The following CEP95 variants were observed in gnomAD, a reference collection of about 807,000 sequenced individuals.
CEP95 encodes the protein centrosomal protein 95, also known as centrosomal protein of 95 kDa.
Under a neutral mutation model 111.2 loss-of-function variants are expected in CEP95, and 98 were observed. The observed-to-expected ratio is 0.88, with a 90% CI of 0.75 to 1.04. CEP95 has a LOEUF of 1.04. CEP95 is among the 50% of genes least tolerant of loss of function. The probability of loss-of-function intolerance (pLI) is 0.00; values close to 1 mark genes in which losing one functional copy is unlikely to be tolerated. For synonymous variants in CEP95, 323 were observed against 327.1 expected, an observed-to-expected ratio of 0.99 and a Z score of 0.14; for missense variants, 1,027 against 977.2, an observed-to-expected ratio of 1.05 and a Z score of -0.68.
In CEP95 at chr17:64,508,668, T is replaced by G. The variant is rs2038717209; in HGVS notation, c.96T>G (p.Asp32Glu). 1 of 1,462,652 alleles carries G rather than the reference T, an allele frequency of 6.8e-7. No individual in the cohort carries two copies. The highest frequency in any genetic ancestry group is 9.1e-7 in the Non-Finnish European group (1 of 1,098,458). The allele number at this position is 1,462,652 out of a possible 1,614,324, so 90.6% of individuals were successfully genotyped here. Residue 32 changes from aspartate (D) to glutamate (E), a missense_variant, in exon 2 of 20, where the codon GAT becomes GAG. Physicochemically the swap from Asp to Glu is conservative, Grantham distance 45 (BLOSUM62 2). Coordinates refer to ENST00000556440, the MANE Select transcript of CEP95 (RefSeq NM_138363.3). ...HLRIHELQDC[D>E]ANVFIALYQS... is the part of the protein sequence containing the mutation. ...GAATACATGAACTTCAAGACTGTGA[T>G]GCTAATGTTTTTATTGCTCTTTATC...
intron 11 of CEP95, among the ~76,000 whole-genome samples, chr17:64,527,864 G>GTATATATA (rs1241845474): frequency 1.5e-5 from 2 of 131,736 alleles, no homozygotes; most frequent in African/African-American, 6.0e-5. Flanking sequence ...GTGTGTGTGT[G>GTATATATA]TGTGTGTATA....
Position 64,519,351 on chromosome 17 carries a change from C to A in CEP95, c.504C>A (p.Pro168=), listed in dbSNP as rs1555677145. The A allele has an allele frequency of 2.5e-6, 4 of 1,613,608 alleles. No homozygotes were observed. Among genetic ancestry groups the A allele is most frequent in the Non-Finnish European group, 3.4e-6 (4 of 1,179,698 alleles). The change falls in exon 6 of 20, where the codon CCC becomes CCA. Residue 168 remains proline, a synonymous_variant. Transcript: ENST00000556440. ...CCTTGTCTTCTGAGATGTTGGGCCC[C>A]TCTTGGGATGGAGATGAAGCAGAAT... is the stretch of plus-strand genomic sequence containing the variant. ...RCSLSSEMLG[P]SWDGDEAEST...
intron 8 of CEP95, among the ~76,000 whole-genome samples, chr17:64,525,402 A>C (rs1598221992): frequency 6.6e-6 from 1 of 152,156 alleles, no homozygotes; most frequent in Admixed American, 6.5e-5. Context: ...AACTGTTTCA[A>C]TTTTGGACAG....
chr17:64,531,836 A>G, intron 13 of CEP95, 54 bp from the exon 14 acceptor site: 2 of 1,303,050 alleles, frequency 1.5e-6, no homozygotes, highest in Non-Finnish European at 1.0e-6. Context: ...AAGATGATGT[A>G]TGAAAGAACT....
At chr17:64,527,870 G>GTGTATATATA (rs1319661913) in intron 11 of CEP95, among the ~76,000 whole-genome samples, 1 of 112,640 alleles carries the variant, frequency 8.9e-6, no homozygotes, top group African/African-American at 3.1e-5. Context: ...GTGTGTGTGT[G>GTGTATATATA]TATATATATA....
At chr17:64,517,901 G>A (rs1351726363) in intron 5 of CEP95, among the ~76,000 whole-genome samples, 2 of 151,842 alleles carry the variant, frequency 1.3e-5, no homozygotes, top group African/African-American at 2.4e-5. Flanking sequence ...TTGAGACACA[G>A]TCTTGCTGTG....
At chr17:64,514,710 A>T (rs1159671047) in intron 4 of CEP95, 5 of 336,288 alleles carry the variant, frequency 1.5e-5, no homozygotes, top group African/African-American at 1.1e-4. Flanking sequence ...TTTGGATGTT[A>T]CTGAGGCATC....
Position 64,521,393 on chromosome 17 carries a change from C to A in CEP95, c.590-9C>A. On this transcript the variant is annotated splice_polypyrimidine_tract_variant and intron_variant, in intron 6 of 19. Coordinates refer to ENST00000556440, the MANE Select transcript of CEP95 (RefSeq NM_138363.3). ...TTAAAAATTTTACCTTTAATATTTT[C>A]TTTCCTAGGTGCTCAATGTCCTAAT... 1 of 1,597,740 alleles carries A rather than the reference C, an allele frequency of 6.3e-7. No individual in the cohort carries two copies. Among genetic ancestry groups the A allele is most frequent in the South Asian group, 1.1e-5 (1 of 88,202 alleles).
At position 64,508,457 on chromosome 17, in the gene CEP95, A is replaced by G; in HGVS notation, c.20-135A>G. On this transcript the variant is annotated intron_variant, in intron 1 of 19. Transcript: ENST00000556440. ...CCTAAAGGGTCTTTGAAATTCTCTAACAATCAAATTCCTTATCTTCTGCAA... is the reference window on the plus strand; with the variant it reads ...CCTAAAGGGTCTTTGAAATTCTCTAGCAATCAAATTCCTTATCTTCTGCAA... 2.6e-6 allele frequency: 3 copies of G among 1,171,486 alleles called. No individual in the cohort carries two copies. The South Asian group carries it at 1.2e-4, about 48-fold the overall frequency. 72.6% of individuals were successfully genotyped at this position (1,171,486 alleles called of 1,614,324 possible).
intron 1 of CEP95, chr17:64,507,508 C>T (rs2038621436): frequency 4.3e-6 from 5 of 1,158,122 alleles, no homozygotes; most frequent in Admixed American, 4.5e-5. Context: ...AAAGGAACAG[C>T]ATTCTTAAGA....
intron 16 of CEP95, chr17:64,533,882 C>T (rs1555680917): frequency 6.6e-6 from 1 of 152,240 alleles, no homozygotes; most frequent in East Asian, 1.9e-4. Context: ...CCATCCTTCT[C>T]AGGTCCCAAG....
Position 64,529,333 on chromosome 17 carries a change from C to G in CEP95, c.1352C>G (p.Ser451Cys). The G allele has an allele frequency of 6.2e-7, 1 of 1,613,850 alleles. No homozygotes were observed. Among genetic ancestry groups the G allele is most frequent in the South Asian group, 1.1e-5 (1 of 91,070 alleles). The change falls in exon 12 of 20, where the codon TCT becomes TGT. Residue 451 changes from serine (S) to cysteine (C), a missense_variant. Transcript: ENST00000556440. ...RKPPYRSHSL[S>C]PSPVNKHKQF... ...CCACCCTACAGATCCCATTCGCTCT[C>G]TCCATCTCCAGTTAACAAACACAAA...
At chr17:64,527,866 G>GTATATATATATA (rs1356812031) in intron 11 of CEP95, among the ~76,000 whole-genome samples, 1 of 124,224 alleles carries the variant, frequency 8.0e-6, no homozygotes, top group African/African-American at 3.1e-5. Flanking sequence ...GTGTGTGTGT[G>GTATATATATATA]TGTGTATATA....
chr17:64,534,634 T>C lies in CEP95; in HGVS notation c.1967T>C (p.Ile656Thr), dbSNP rs1353511860. 1.9e-6 allele frequency: 3 copies of C among 1,613,208 alleles called. No individual in the cohort carries two copies. The highest frequency in any genetic ancestry group is 2.5e-6 in the Non-Finnish European group (3 of 1,179,446). ...AGGCAAAGGTTGACCCAATCAAAGA[T>C]AAAAGAAAATCGACAGCAAATCGTT... ...IRRQRLTQSK[I>T]KENRQQIVRA... Residue 656 changes from isoleucine (I) to threonine (T), a missense_variant, in exon 17 of 20, where the codon ATA (isoleucine) becomes ACA (threonine). Physicochemically the swap from Ile to Thr is moderately conservative, Grantham distance 89 (BLOSUM62 -1). Coordinates refer to ENST00000556440, the MANE Select transcript of CEP95 (RefSeq NM_138363.3).
chr17:64,507,121 G>T lies in CEP95; in HGVS notation c.19+5G>T. 6.4e-7 allele frequency: 1 copy of T among 1,551,490 alleles called. No individual in the cohort carries two copies. Among genetic ancestry groups the T allele is most frequent in the Non-Finnish European group, 8.7e-7 (1 of 1,146,950 alleles). On this transcript the variant is annotated splice_donor_5th_base_variant and intron_variant, in intron 1 of 19. Coordinates refer to ENST00000556440, the MANE Select transcript of CEP95 (RefSeq NM_138363.3). ...ACATGGCAGGCTCGGATGCTGGTGA[G>T]TGTCTCCCTGGGGTCCCAGTATGTG... is the stretch of plus-strand genomic sequence containing the variant.
chr17:64,519,690 A>T (rs1337073903), intron 6 of CEP95, among the ~76,000 whole-genome samples: 3 of 152,332 alleles, frequency 2.0e-5, no homozygotes, highest in African/African-American at 7.2e-5. Context: ...ACCTGGGAAG[A>T]GAATTATGGA....
At chr17:64,521,044 A>G (rs1424002840) in intron 6 of CEP95, among the ~76,000 whole-genome samples, 2 of 152,010 alleles carry the variant, frequency 1.3e-5, no homozygotes, top group Non-Finnish European at 2.9e-5. Context: ...GGAGTTCGAG[A>G]CCAGCCTGGC....
chr17:64,530,939 CA>C lies in CEP95; in HGVS notation c.1461del (p.Phe488LeufsTer5), dbSNP rs1283005099. On this transcript the variant is annotated frameshift_variant, in exon 13 of 20. Coordinates refer to ENST00000556440, the MANE Select transcript of CEP95 (RefSeq NM_138363.3). LOFTEE classifies it high-confidence loss of function. ...TTTCCCCTTTAGGCGTTTACTGAAG[CA>C]TTTGAAAGGGAACTAAGAAGACATA... is the stretch of plus-strand genomic sequence containing the variant. The part of the protein sequence containing the change: ...RQFQAQAFTE[A>X]FERELRRHKV... 2.6e-6 allele frequency: 4 copies of C among 1,550,344 alleles called. No individual in the cohort carries two copies. Among genetic ancestry groups the C allele is most frequent in the Non-Finnish European group, 3.5e-6 (4 of 1,144,416 alleles).
chr17:64,525,852 C>T lies in CEP95; in HGVS notation c.992C>T (p.Pro331Leu). The change falls in exon 9 of 20, where the codon CCT becomes CTT. Residue 331 changes from proline (P) to leucine (L), a missense_variant. Pro to Leu is a moderately conservative substitution (Grantham distance 98). Transcript: ENST00000556440. ...GTATATCCAGCTCAGGTCCAAGGGC[C>T]TAGGACAAGGAAGCCTCCCAAAGGA... ...WEVYPAQVQG[P>L]RTRKPPKGKR... 2 of 1,584,518 alleles carry T rather than the reference C, an allele frequency of 1.3e-6. No individual in the cohort carries two copies. Among genetic ancestry groups the T allele is most frequent in the South Asian group, 1.2e-5 (1 of 85,472 alleles).
Sources: allele counts gnomAD v4.1 joint callset (sites outside exome capture counted in the v4.1 genomes callset), GRCh38; gene constraint gnomAD v4.1.1; transcripts MANE v1.5; gene names NCBI Gene and HGNC (gene_info 2026-07-23, HGNC 2026-07-21).